KLHL3: variants seen among roughly 807,000 people sequenced by gnomAD.
The protein encoded by KLHL3 is kelch like family member 3, also known as kelch-like protein 3.
KLHL3 carries 19 observed loss-of-function variants against 70.5 expected under a neutral mutation model. That is an observed-to-expected ratio of 0.27 (90% CI 0.19 to 0.40). KLHL3 has a LOEUF of 0.40. Ranked by LOEUF, KLHL3 falls within the 10% of genes least tolerant of loss-of-function variation. KLHL3 has a pLI of 1.00. For synonymous variants in KLHL3, 258 were observed against 290.3 expected (o/e 0.89, Z 1.13); for missense variants, 512 against 771.1 (o/e 0.66, Z 3.98).
At chr5:137,640,583 C>T (rs1561587023) in intron 8 of KLHL3, among the ~76,000 whole-genome samples, 1 of 152,184 alleles carries the variant, frequency 6.6e-6, no homozygotes, top group Non-Finnish European at 1.5e-5. Context: ...ATTTACTTGT[C>T]ACCACAACTG....
intron 6 of KLHL3, among the ~76,000 whole-genome samples, chr5:137,676,331 A>G (rs1319753617): frequency 6.6e-6 from 1 of 152,254 alleles, no homozygotes; most frequent in Non-Finnish European, 1.5e-5. Context: ...TTTGTCCTGA[A>G]GTATTCCCTC....
Position 137,666,603 on chromosome 5 carries a change from G to A in KLHL3, c.637-4572C>T, listed in dbSNP as rs531957309. ...AAAGCAAGCTGAATCTACCAAAGTCGATATTTAACCTTATCTTTATTTTTG... is the reference window on the plus strand; with the variant it reads ...AAAGCAAGCTGAATCTACCAAAGTCAATATTTAACCTTATCTTTATTTTTG... On this transcript the variant is annotated intron_variant, in intron 6 of 14. Transcript: ENST00000309755. Among the ~76,000 whole-genome samples the A allele has an allele frequency of 3.9e-5, 6 of 152,156 alleles. No individual in the cohort carries two copies. The South Asian group carries it at 1.0e-3, about 26-fold the overall frequency.
chr5:137,640,919 T>C, intron 8 of KLHL3, among the ~76,000 whole-genome samples: 1 of 152,220 alleles, frequency 6.6e-6, no homozygotes, highest in Non-Finnish European at 1.5e-5. Context: ...AAATATTGGT[T>C]TTGGCTATAC....
chr5:137,656,206 A>G (rs1751341228), intron 8 of KLHL3, among the ~76,000 whole-genome samples: 1 of 130,700 alleles, frequency 7.7e-6, no homozygotes, highest in African/African-American at 3.2e-5. Context: ...AAATGTTTAC[A>G]TTACAAAAAA....
intron 5 of KLHL3, among the ~76,000 whole-genome samples, chr5:137,690,666 A>G (rs1046816834): frequency 6.6e-6 from 1 of 152,224 alleles, no homozygotes; most frequent in East Asian, 1.9e-4. Flanking sequence ...GCAGGGAGAC[A>G]TGAGAGTCTC....
At position 137,628,284 on chromosome 5, in the gene KLHL3, G is replaced by C. The variant is rs532174141; in HGVS notation, c.1591+13C>G. The stretch of plus-strand genomic sequence containing the variant: ...ACAACCCCCAAAGGGGAGATGGAGA[G>C]AGCAGTCATTACCTGCGTTGCGCCG... On this transcript the variant is annotated intron_variant, in intron 13 of 14. Transcript: ENST00000309755. 8 of 1,613,938 alleles carry C rather than the reference G, an allele frequency of 5.0e-6. No individual in the cohort carries two copies. The highest frequency in any genetic ancestry group is 2.2e-5 in the East Asian group (1 of 44,884).
At chr5:137,674,354 A>G (rs1751834070) in intron 6 of KLHL3, among the ~76,000 whole-genome samples, 1 of 152,224 alleles carries the variant, frequency 6.6e-6, no homozygotes, top group African/African-American at 2.4e-5. Context: ...TGTGGGAGAT[A>G]AATAACTTGC....
intron 8 of KLHL3, among the ~76,000 whole-genome samples, chr5:137,649,846 G>T (rs1489399563): frequency 6.6e-6 from 1 of 152,170 alleles, no homozygotes; most frequent in Non-Finnish European, 1.5e-5. Flanking sequence ...ATCATGTAGT[G>T]ATTAAAAGCC....
chr5:137,730,701 G>C (rs921393618), intron 1 of KLHL3, among the ~76,000 whole-genome samples: 1 of 152,176 alleles, frequency 6.6e-6, no homozygotes, highest in African/African-American at 2.4e-5. Flanking sequence ...AAGAGAGAAA[G>C]ACTAAAAGAA....
chr5:137,676,394 CATTT>C (rs1751884553), intron 6 of KLHL3, among the ~76,000 whole-genome samples: 1 of 152,186 alleles, frequency 6.6e-6, no homozygotes, highest in African/African-American at 2.4e-5. Context: ...ATTCAAAAAA[CATTT>C]ATTGAGCATC....
intron 14 of KLHL3, among the ~76,000 whole-genome samples, chr5:137,623,142 A>C (rs763070436): frequency 5.3e-5 from 8 of 152,214 alleles, no homozygotes; most frequent in Non-Finnish European, 8.8e-5. Flanking sequence ...ATTTCTTTCT[A>C]CTTGAGACAA....
At chr5:137,718,589 C>G (rs546447336) in intron 2 of KLHL3, among the ~76,000 whole-genome samples, 1 of 152,368 alleles carries the variant, frequency 6.6e-6, no homozygotes, top group African/African-American at 2.4e-5. Flanking sequence ...TAAGTTCTCC[C>G]TTTCAGGCAT....
chr5:137,686,323 C>T lies in KLHL3; in HGVS notation c.526+5962G>A, dbSNP rs145454200. 1.3e-3 allele frequency among the ~76,000 whole-genome samples: 202 copies of T among 152,322 alleles called. 5 individuals are homozygous for T. The Middle Eastern group carries it at 0.024, about 18-fold the overall frequency. ...GCAGATGATGAGGCTGGCAGGGAGGCTCCACAGCACAGCGCCTGTGGTGTC... is the reference window on the plus strand; with the variant it reads ...GCAGATGATGAGGCTGGCAGGGAGGTTCCACAGCACAGCGCCTGTGGTGTC... On this transcript the variant is annotated intron_variant, in intron 5 of 14. Transcript: ENST00000309755.
chr5:137,713,153 C>CAA (rs958291877), intron 2 of KLHL3, among the ~76,000 whole-genome samples: 60 of 38,328 alleles, frequency 1.6e-3, no homozygotes, highest in African/African-American at 2.9e-3. Context: ...GAATAACCAG[C>CAA]AAAAAAAAAA....
At chr5:137,640,865 T>C (rs761766973) in intron 8 of KLHL3, among the ~76,000 whole-genome samples, 1 of 152,144 alleles carries the variant, frequency 6.6e-6, no homozygotes, top group Non-Finnish European at 1.5e-5. Context: ...CCAGCACATA[T>C]ATTTTTAAAA....
chr5:137,686,099 G>A (rs1347745515), intron 5 of KLHL3, among the ~76,000 whole-genome samples: 1 of 152,238 alleles, frequency 6.6e-6, no homozygotes, highest in Non-Finnish European at 1.5e-5. Flanking sequence ...TGAAGGCAAA[G>A]CAAAGCTAGC....
chr5:137,669,776 T>C (rs1751705622), intron 6 of KLHL3, among the ~76,000 whole-genome samples: 1 of 152,142 alleles, frequency 6.6e-6, no homozygotes, highest in South Asian at 2.1e-4. Flanking sequence ...GCATGATGTA[T>C]TACAGAAAAA....
chr5:137,628,733 A>G (rs1263996456), intron 12 of KLHL3: 1 of 120,242 alleles, frequency 8.3e-6, no homozygotes, highest in Non-Finnish European at 1.6e-5. Flanking sequence ...AGACAGACAG[A>G]CATACATACA....
Position 137,709,849 on chromosome 5 carries a change from G to A in KLHL3, c.142C>T (p.Leu48=). ...GCCACAATCATCACGTCACACAACA[G>A]CTGTTTACTGTAAGACACCAGTGAG... ...KVMNELRSKQ[L]LCDVMIVAED... Residue 48 remains leucine, a synonymous_variant, in exon 3 of 15, where the codon CTG becomes TTG. Transcript: ENST00000309755. 6.2e-7 allele frequency: 1 copy of A among 1,613,778 alleles called. No homozygotes were observed. Among genetic ancestry groups the A allele is most frequent in the African/African-American group, 1.3e-5 (1 of 75,030 alleles).
Sources: gnomAD v4.1 joint callset for allele counts (sites outside exome capture counted in the v4.1 genomes callset) on GRCh38, gnomAD v4.1.1 for gene constraint, MANE v1.5 for transcripts, NCBI Gene and HGNC (gene_info 2026-07-23, HGNC 2026-07-21) for gene names.